Variants in CDH13 observed in about 807,000 individuals in gnomAD.
CDH13 encodes cadherin 13, also known as cadherin-13.
CDH13 carries 24 observed loss-of-function variants against 63.8 expected under a neutral mutation model. That is an observed-to-expected ratio of 0.38 (90% CI 0.27 to 0.53). The LOEUF (loss-of-function observed/expected upper bound fraction) is 0.53, where lower values mean the gene tolerates loss of function less well. Ranked by LOEUF, CDH13 falls within the 20% of genes least tolerant of loss-of-function variation. The pLI, the probability that CDH13 is intolerant of heterozygous loss-of-function variation, is 0.85. For missense variants in CDH13, 1,049 were observed against 903.1 expected (o/e 1.16, Z -2.07); for synonymous variants, 503 against 355.3 (o/e 1.42, Z -4.67).
At chr16:82,696,654 C>T (rs977127274) in intron 1 of CDH13, among the ~76,000 whole-genome samples, 2 of 152,158 alleles carry the variant, frequency 1.3e-5, no homozygotes, top group Non-Finnish European at 2.9e-5. Flanking sequence ...CATTTATGTC[C>T]CATGATTTCT....
intron 1 of CDH13, among the ~76,000 whole-genome samples, chr16:82,791,033 C>A (rs1456808338): frequency 1.3e-5 from 2 of 152,096 alleles, no homozygotes; most frequent in African/African-American, 2.4e-5. Context: ...GTCAGGAGAT[C>A]GAGACCATCC....
At chr16:83,482,471 T>G (rs917811712) in intron 6 of CDH13, among the ~76,000 whole-genome samples, 1 of 152,230 alleles carries the variant, frequency 6.6e-6, no homozygotes, top group South Asian at 2.1e-4. Flanking sequence ...GGGGAAACCT[T>G]GCTTTGCGGT....
intron 2 of CDH13, among the ~76,000 whole-genome samples, chr16:82,876,681 G>A (rs2040516972): frequency 1.3e-5 from 2 of 152,142 alleles, no homozygotes; most frequent in African/African-American, 4.8e-5. Flanking sequence ...TTCCAGTTTG[G>A]GATGTCTTTA....
At chr16:83,080,964 C>G (rs1025093915) in intron 3 of CDH13, among the ~76,000 whole-genome samples, 1 of 143,624 alleles carries the variant, frequency 7.0e-6, no homozygotes, top group South Asian at 2.3e-4. Context: ...TCACCGCAAC[C>G]TCTGCCTCCC....
At chr16:83,014,776 GTA>G (rs1158483617) in intron 2 of CDH13, among the ~76,000 whole-genome samples, 11 of 37,300 alleles carry the variant, frequency 2.9e-4, no homozygotes, top group East Asian at 2.7e-3. Context: ...ATATATATAT[GTA>G]TATATATATA....
At chr16:83,304,464 C>G (rs574707020) in intron 5 of CDH13, among the ~76,000 whole-genome samples, 2 of 152,000 alleles carry the variant, frequency 1.3e-5, no homozygotes, top group Admixed American at 6.5e-5. Flanking sequence ...TTTCAAGCTT[C>G]CCTAGAAGTC....
chr16:83,551,056 A>ATATCTGTC (rs2075482327), intron 7 of CDH13, among the ~76,000 whole-genome samples: 1 of 148,354 alleles, frequency 6.7e-6, no homozygotes, highest in African/African-American at 2.5e-5. Flanking sequence ...TAAGTCATTT[A>ATATCTGTC]TATCTATCTA....
At chr16:83,459,811 A>G (rs566833823) in intron 6 of CDH13, among the ~76,000 whole-genome samples, 1 of 152,364 alleles carries the variant, frequency 6.6e-6, no homozygotes, top group African/African-American at 2.4e-5. Flanking sequence ...CCTGAGTACC[A>G]CAAAAAGTGT....
Position 82,655,490 on chromosome 16 carries a change from C to T in CDH13, c.45+28353C>T, listed in dbSNP as rs1020337939. Among the ~76,000 whole-genome samples the T allele has an allele frequency of 3.9e-5, 6 of 152,000 alleles. No homozygotes were observed. The South Asian group carries it at 6.2e-4, about 16-fold the overall frequency. Reference sequence around the variant, plus strand: ...CTAAAGCAGGAAATAGTGAGGCTACCGCAGTGTCGGGTCCAAGAGTAGGAG... The same window carrying T: ...CTAAAGCAGGAAATAGTGAGGCTACTGCAGTGTCGGGTCCAAGAGTAGGAG... On this transcript the variant is annotated intron_variant, in intron 1 of 13. Transcript: ENST00000567109.
chr16:82,784,707 G>T (rs542216045), intron 1 of CDH13, among the ~76,000 whole-genome samples: 2 of 152,162 alleles, frequency 1.3e-5, no homozygotes, highest in South Asian at 4.2e-4. Context: ...TCTCTATGGT[G>T]AGGTGAAGGG....
chr16:82,935,225 G>A lies in CDH13; in HGVS notation c.157+76752G>A, dbSNP rs970710749. 2.6e-5 allele frequency among the ~76,000 whole-genome samples: 4 copies of A among 152,190 alleles called. No individual in the cohort carries two copies. The East Asian group carries it at 7.7e-4, about 29-fold the overall frequency. The stretch of plus-strand genomic sequence containing the variant: ...TGGCAGCAAGATGGAGAAGTGCAGA[G>A]TGAAGGGAGAGACAGCTCCTTATAA... On this transcript the variant is annotated intron_variant, in intron 2 of 13. Coordinates refer to ENST00000567109, the MANE Select transcript of CDH13 (RefSeq NM_001257.5).
At chr16:82,816,971 G>C (rs1445506746) in intron 1 of CDH13, among the ~76,000 whole-genome samples, 1 of 151,954 alleles carries the variant, frequency 6.6e-6, no homozygotes. Flanking sequence ...GAAAAACAGA[G>C]ACTTTTTACA....
intron 4 of CDH13, among the ~76,000 whole-genome samples, chr16:83,153,311 G>T (rs1049540014): frequency 1.1e-4 from 17 of 152,216 alleles, no homozygotes; most frequent in African/African-American, 4.1e-4. Context: ...AGATGGGCCA[G>T]TGTCTCTATC....
At chr16:83,689,621 C>G (rs1904644674) in intron 10 of CDH13, among the ~76,000 whole-genome samples, 1 of 152,206 alleles carries the variant, frequency 6.6e-6, no homozygotes, top group Admixed American at 6.5e-5. Flanking sequence ...AGGCTCTAAA[C>G]TACAGTCCTC....
intron 11 of CDH13, among the ~76,000 whole-genome samples, chr16:83,767,809 G>A (rs890986742): frequency 2.0e-5 from 3 of 152,142 alleles, no homozygotes; most frequent in African/African-American, 4.8e-5. Context: ...AATCTGTAGA[G>A]ACAGAAAATT....
At chr16:83,343,963 C>G (rs2151362084) in intron 5 of CDH13, among the ~76,000 whole-genome samples, 1 of 152,198 alleles carries the variant, frequency 6.6e-6, no homozygotes, top group South Asian at 2.1e-4. Context: ...TTTGTTAACC[C>G]CACTTACAGA....
chr16:83,361,549 T>G (rs2091162582), intron 6 of CDH13, among the ~76,000 whole-genome samples: 1 of 152,224 alleles, frequency 6.6e-6, no homozygotes, highest in Admixed American at 6.5e-5. Context: ...CTTCCAGGAT[T>G]CTTACAGTTT....
intron 1 of CDH13, among the ~76,000 whole-genome samples, chr16:82,684,818 C>G (rs1486954486): frequency 6.6e-6 from 1 of 152,214 alleles, no homozygotes; most frequent in African/African-American, 2.4e-5. Context: ...AGCCCATACC[C>G]AAGTTGTGCT....
At chr16:83,201,512 C>T (rs939908479) in intron 4 of CDH13, among the ~76,000 whole-genome samples, 7 of 151,858 alleles carry the variant, frequency 4.6e-5, no homozygotes, top group Admixed American at 2.0e-4. Flanking sequence ...AAGGTCCTGG[C>T]GAATTCAAGC....
Sources: gnomAD v4.1 joint callset for allele counts (sites outside exome capture counted in the v4.1 genomes callset) on GRCh38, gnomAD v4.1.1 for gene constraint, MANE v1.5 for transcripts, NCBI Gene and HGNC (gene_info 2026-07-23, HGNC 2026-07-21) for gene names.